The following ZSCAN31 variants were observed in gnomAD, a reference collection of about 807,000 sequenced individuals.
ZSCAN31 encodes zinc finger and SCAN domain-containing protein 31.
A neutral mutation model predicts 22.5 loss-of-function variants in ZSCAN31; 14 were observed. The ratio of observed to expected loss-of-function variants is 0.62; its 90% CI spans 0.41 to 0.97. ZSCAN31 has a LOEUF of 0.97. ZSCAN31 is among the 50% of genes least tolerant of loss of function. The pLI, the probability that ZSCAN31 is intolerant of heterozygous loss-of-function variation, is 0.00. For missense variants in ZSCAN31, 424 were observed against 483.4 expected (o/e 0.88, Z 1.15); for synonymous variants, 168 against 169.8 (o/e 0.99, Z 0.08).
chr6:28,352,638 G>A (rs1376117356), intron 2 of ZSCAN31, among the ~76,000 whole-genome samples: 1 of 152,184 alleles, frequency 6.6e-6, no homozygotes, highest in East Asian at 1.9e-4. Context: ...AGCCTTTAAT[G>A]TAATTTGCTC....
At chr6:28,352,388 G>T (rs190399575) in intron 2 of ZSCAN31, among the ~76,000 whole-genome samples, 3 of 152,116 alleles carry the variant, frequency 2.0e-5, no homozygotes, top group Non-Finnish European at 2.9e-5. Context: ...AAGTAGCTGG[G>T]ATTACAGGTG....
chr6:28,340,753 T>C (rs1348277878), upstream of ZSCAN31, among the ~76,000 whole-genome samples: 1 of 152,234 alleles, frequency 6.6e-6, no homozygotes, highest in African/African-American at 2.4e-5. Flanking sequence ...TGATCACTTG[T>C]TTTTTAAGGA....
exon 2 of ZSCAN31, chr6:28,353,868 C>T (rs766809383): frequency 2.2e-6 from 1 of 456,886 alleles, no homozygotes; most frequent in Non-Finnish European, 4.4e-6. Context: ...TTACCACTGT[C>T]ATGCCAAGTG....
chr6:28,343,480 T>C (rs1402139193), intron 2 of ZSCAN31, among the ~76,000 whole-genome samples: 1 of 151,554 alleles, frequency 6.6e-6, no homozygotes, highest in Non-Finnish European at 1.5e-5. Context: ...AACCAACTAG[T>C]AGCCCCAGTT....
chr6:28,349,103 TAC>T lies in ZSCAN31; in HGVS notation c.-371+4757_-371+4758del, dbSNP rs1437322606. Among the ~76,000 whole-genome samples, 1 of 144,928 alleles carries T rather than the reference TAC, an allele frequency of 6.9e-6. No homozygotes were observed. Among genetic ancestry groups the T allele is most frequent in the African/African-American group, 2.7e-5 (1 of 37,682 alleles). On this transcript the variant is annotated intron_variant, in intron 2 of 7. Coordinates refer to the ZSCAN31 transcript ENST00000396838. The surrounding 1 kb of genome is among the most constrained non-coding windows in gnomAD (Gnocchi z 4.1). ...CATGTCTCATATACATAGGTGTATATACATGTCTCATATACATAGGTGTATAT... is the reference window on the plus strand; with the variant it reads ...CATGTCTCATATACATAGGTGTATATATGTCTCATATACATAGGTGTATAT...
At position 28,351,296 on chromosome 6, in the gene ZSCAN31, G is replaced by A. The variant is rs946438528; in HGVS notation, c.-371+2566C>T. ...GAATAAATGATATAAATGTATCAGTGTTGTTTTCCTGCCATAGACTTCCTC... is the reference window on the plus strand; with the variant it reads ...GAATAAATGATATAAATGTATCAGTATTGTTTTCCTGCCATAGACTTCCTC... On this transcript the variant is annotated intron_variant, in intron 2 of 7. Coordinates refer to the ZSCAN31 transcript ENST00000396838. This position sits in a 1 kb window ranked among gnomAD's most constrained non-coding sequence, Gnocchi z 4.6. Among the ~76,000 whole-genome samples, 1 of 152,104 alleles carries A rather than the reference G, an allele frequency of 6.6e-6. No homozygotes were observed. Among genetic ancestry groups the A allele is most frequent in the South Asian group, 2.1e-4 (1 of 4,828 alleles).
intron 2 of ZSCAN31, among the ~76,000 whole-genome samples, chr6:28,344,768 A>G (rs926391715): frequency 6.6e-6 from 1 of 152,134 alleles, no homozygotes; most frequent in African/African-American, 2.4e-5. Context: ...CTTTGTGGCT[A>G]CAGGTAAAAA....
chr6:28,340,790 A>G (rs1764381061), upstream of ZSCAN31, among the ~76,000 whole-genome samples: 9 of 152,246 alleles, frequency 5.9e-5, no homozygotes, highest in Admixed American at 5.9e-4. Context: ...AGGCTTTTAT[A>G]TTCACATACA....
chr6:28,342,943 T>G (rs1230525513), intron 2 of ZSCAN31, among the ~76,000 whole-genome samples: 1 of 152,218 alleles, frequency 6.6e-6, no homozygotes, highest in Non-Finnish European at 1.5e-5. Flanking sequence ...TAGTTAGATA[T>G]ATATTGGAGA....
Position 28,331,225 on chromosome 6 carries a change from G to C in ZSCAN31, c.-95-1447C>G, listed in dbSNP as rs189230403. 1.8e-3 allele frequency among the ~76,000 whole-genome samples: 275 copies of C among 152,320 alleles called. 1 individual carries two copies. Among genetic ancestry groups the C allele is most frequent in the African/African-American group, 5.9e-3 (244 of 41,570 alleles). On this transcript the variant is annotated intron_variant, in intron 1 of 3. Coordinates refer to ENST00000344279, the MANE Select transcript of ZSCAN31 (RefSeq NM_030899.5). This position sits in a 1 kb window ranked among gnomAD's most constrained non-coding sequence, Gnocchi z 4.8. ...TTCAGGATGGAAATGGTAAGAATAT[G>C]TTGCAAGGTTGTGGCCATTTAAGTT...
In ZSCAN31 at chr6:28,351,217, G is replaced by C. The variant is rs150652093; in HGVS notation, c.-371+2645C>G. On this transcript the variant is annotated intron_variant, in intron 2 of 7. Transcript: ENST00000396838. This position sits in a 1 kb window ranked among gnomAD's most constrained non-coding sequence, Gnocchi z 4.6. ...ATCTTGTGCCTTCCCACTGTGATCAGTTTGGCTCAGATCCAAGTAGGGGCC... is the reference window on the plus strand; with the variant it reads ...ATCTTGTGCCTTCCCACTGTGATCACTTTGGCTCAGATCCAAGTAGGGGCC... Among the ~76,000 whole-genome samples, 195 of 152,272 alleles carry C rather than the reference G, an allele frequency of 1.3e-3. 6 individuals carry two copies. In the South Asian group the frequency reaches 0.034, roughly 27 times the overall value.
rs760052909 is a variant in ZSCAN31 at position 28,326,316 on chromosome 6, G to A, written c.1071C>T (p.Gly357=). 1.9e-6 allele frequency: 3 copies of A among 1,614,026 alleles called. No individual in the cohort carries two copies. The highest frequency in any genetic ancestry group is 2.5e-6 in the Non-Finnish European group (3 of 1,180,030). ...GEKRYQCREC[G]KAFIQNAGLF... The stretch of plus-strand genomic sequence containing the variant: ...GCCCTGCATTCTGAATGAAGGCTTT[G>A]CCACACTCACGACACTGATAGCGCT... The change falls in exon 4 of 4, where the codon GGC becomes GGT. Residue 357 remains glycine, a synonymous_variant. Transcript: ENST00000344279.
rs2113872185 is a variant in ZSCAN31 at position 28,349,287 on chromosome 6, T to C, written c.-371+4575A>G. 6.6e-6 allele frequency among the ~76,000 whole-genome samples: 1 copy of C among 152,040 alleles called. No individual in the cohort carries two copies. On this transcript the variant is annotated intron_variant, in intron 2 of 7. Transcript: ENST00000396838. The surrounding 1 kb of genome is among the most constrained non-coding windows in gnomAD (Gnocchi z 4.1). ...ATTTCAACTACTTATCCCTAATGAA[T>C]AAAGTTACTAATGTTTCCATTCAGG...
rs1479320752 is a variant in ZSCAN31, at chr6:28,326,682, T to G, written c.705A>C (p.Gly235=). The change falls in exon 4 of 4, where the codon GGA becomes GGC. Residue 235 remains glycine (G), a synonymous_variant. Coordinates refer to ENST00000344279, the MANE Select transcript of ZSCAN31 (RefSeq NM_030899.5). ...ATTCATTGCACCTGTGGCGTCTCTC[T>G]CCAGTGGAATGTGCCTGCTGCTTTT... ...KAEKQQAHST[G]ERRHRCNECG... 3 of 1,614,106 alleles carry G rather than the reference T, an allele frequency of 1.9e-6. No individual in the cohort carries two copies. In the African/African-American group the frequency reaches 4.0e-5, roughly 22 times the overall value.
In ZSCAN31 at chr6:28,347,476, T is replaced by C. The variant is rs1272422652; in HGVS notation, c.-370-5684A>G. On this transcript the variant is annotated intron_variant, in intron 2 of 7. Transcript: ENST00000396838. The surrounding 1 kb of genome is among the most constrained non-coding windows in gnomAD (Gnocchi z 5.2). ...ATCTCTCTACCCTGATTTTCTTCTT[T>C]TTCTTCCTCTCCTTCCCCTTTTTAA... 1.3e-5 allele frequency among the ~76,000 whole-genome samples: 2 copies of C among 152,344 alleles called. No individual in the cohort carries two copies. Among genetic ancestry groups the C allele is most frequent in the East Asian group, 3.9e-4 (2 of 5,190 alleles).
intron 2 of ZSCAN31, among the ~76,000 whole-genome samples, chr6:28,343,582 C>T (rs1171197337): frequency 2.3e-5 from 3 of 128,250 alleles, no homozygotes; most frequent in African/African-American, 5.9e-5. Flanking sequence ...CTCGCTCTGT[C>T]GCCCAGGCTG....
At position 28,351,982 on chromosome 6, in the gene ZSCAN31, G is replaced by GT. The variant is rs200896456; in HGVS notation, c.-371+1879dup. Among the ~76,000 whole-genome samples, 14,785 of 145,274 alleles carry GT rather than the reference G, an allele frequency of 0.1. 873 individuals are homozygous for GT. The highest frequency in any genetic ancestry group is 0.31 in the East Asian group (1,553 of 5,072). On this transcript the variant is annotated intron_variant, in intron 2 of 7. Coordinates refer to the ZSCAN31 transcript ENST00000396838. This position sits in a 1 kb window ranked among gnomAD's most constrained non-coding sequence, Gnocchi z 4.6. ...AATAATTGTCTCAAATATTTCTAGAGTTTTTTTTTTTTACAGTCTTTTTAC... is the reference window on the plus strand; with the variant it reads ...AATAATTGTCTCAAATATTTCTAGAGTTTTTTTTTTTTTACAGTCTTTTTAC...
At chr6:28,345,298 C>T (rs1764602323) in intron 2 of ZSCAN31, among the ~76,000 whole-genome samples, 1 of 151,922 alleles carries the variant, frequency 6.6e-6, no homozygotes, top group Non-Finnish European at 1.5e-5. Context: ...GAATATTCAC[C>T]ATGGAAAAGG....
At chr6:28,339,313 T>C (rs536105612), upstream of ZSCAN31, among the ~76,000 whole-genome samples, 6 of 152,256 alleles carry the variant, frequency 3.9e-5, no homozygotes, top group South Asian at 1.2e-3. Flanking sequence ...GGCAGGGGAG[T>C]GGGGAAGGAG....
Sources: allele counts gnomAD v4.1 joint callset (sites outside exome capture counted in the v4.1 genomes callset), GRCh38; gene constraint gnomAD v4.1.1; non-coding constraint Gnocchi (gnomAD v3.1); transcripts MANE v1.5; gene names NCBI Gene and HGNC (gene_info 2026-07-23, HGNC 2026-07-21).